CAMK4: variants seen among roughly 807,000 people sequenced by gnomAD.
CAMK4 encodes calcium/calmodulin-dependent protein kinase type IV.
CAMK4 carries 22 observed loss-of-function variants against 44.9 expected under a neutral mutation model. The observed-to-expected ratio is 0.49, with a 90% CI of 0.35 to 0.70. The LOEUF is 0.70. Ranked by LOEUF, CAMK4 falls within the 30% of genes least tolerant of loss-of-function variation. The pLI is 0.01. For synonymous variants in CAMK4, 218 were observed against 215.4 expected, an observed-to-expected ratio of 1.01 and a Z score of -0.11; for missense variants, 498 against 586.8, an observed-to-expected ratio of 0.85 and a Z score of 1.56.
chr5:111,442,541 TATACAC>T (rs769589140), intron 5 of CAMK4, among the ~76,000 whole-genome samples: 4 of 131,852 alleles, frequency 3.0e-5, no homozygotes, highest in East Asian at 4.0e-4. Flanking sequence ...TATATATATA[TATACAC>T]ACACACACAT....
intron 2 of CAMK4, among the ~76,000 whole-genome samples, chr5:111,344,417 TAC>T (rs1561427067): frequency 0.015 from 2,171 of 145,640 alleles, 45 homozygotes; most frequent in African/African-American, 0.046. Flanking sequence ...TATATGTATA[TAC>T]ACACACACAC....
At chr5:111,377,514 G>C (rs578118470) in intron 4 of CAMK4, among the ~76,000 whole-genome samples, 108 of 150,822 alleles carry the variant, frequency 7.2e-4, no homozygotes, top group Non-Finnish European at 1.4e-3. Context: ...GAGAATGGAG[G>C]GGGGTGGGGG....
intron 5 of CAMK4, among the ~76,000 whole-genome samples, chr5:111,413,240 A>G (rs1284616294): frequency 6.6e-6 from 1 of 152,194 alleles, no homozygotes; most frequent in Non-Finnish European, 1.5e-5. Context: ...AGGATTTTAA[A>G]TGGGGAAATT....
chr5:111,336,469 A>G (rs1749407593), intron 1 of CAMK4, among the ~76,000 whole-genome samples: 2 of 123,712 alleles, frequency 1.6e-5, no homozygotes, highest in South Asian at 2.4e-4. Context: ...ATTTCAATTA[A>G]TAATATAGGT....
chr5:111,337,998 A>C (rs1036889048), intron 1 of CAMK4, among the ~76,000 whole-genome samples: 1 of 151,184 alleles, frequency 6.6e-6, no homozygotes, highest in Admixed American at 6.6e-5. Context: ...TTGCATCTTC[A>C]TGTGATTTTA....
intron 2 of CAMK4, among the ~76,000 whole-genome samples, chr5:111,374,101 T>C (rs1751118121): frequency 6.6e-6 from 1 of 152,126 alleles, no homozygotes; most frequent in African/African-American, 2.4e-5. Context: ...AAAGGAAATG[T>C]AGTGGCTCAT....
intron 5 of CAMK4, among the ~76,000 whole-genome samples, chr5:111,400,882 T>C (rs768418991): frequency 1.3e-5 from 2 of 152,116 alleles, no homozygotes; most frequent in African/African-American, 2.4e-5. Context: ...GTAGGGATAA[T>C]TAGGGAATAT....
chr5:111,331,299 A>G (rs1002309997), intron 1 of CAMK4, among the ~76,000 whole-genome samples: 1 of 151,804 alleles, frequency 6.6e-6, no homozygotes, highest in Non-Finnish European at 1.5e-5. Context: ...ATGCTTCACA[A>G]AAGATGAATG....
intron 1 of CAMK4, among the ~76,000 whole-genome samples, chr5:111,311,169 G>A (rs1452446335): frequency 6.6e-6 from 1 of 152,008 alleles, no homozygotes; most frequent in East Asian, 1.9e-4. Context: ...TTATTGCAAG[G>A]GAACGTGACA....
At chr5:111,254,553 T>C (rs998566995) in intron 1 of CAMK4, among the ~76,000 whole-genome samples, 11 of 152,160 alleles carry the variant, frequency 7.2e-5, no homozygotes, top group African/African-American at 2.4e-4. Context: ...AGAGATGATG[T>C]TCATGCAGAA....
chr5:111,326,091 T>C (rs1748876792), intron 1 of CAMK4, among the ~76,000 whole-genome samples: 1 of 151,806 alleles, frequency 6.6e-6, no homozygotes, highest in Non-Finnish European at 1.5e-5. Context: ...TCAAAGGAAG[T>C]AGAAAAGAGG....
chr5:111,424,022 G>A (rs980709314), intron 5 of CAMK4, among the ~76,000 whole-genome samples: 1 of 152,162 alleles, frequency 6.6e-6, no homozygotes, highest in Non-Finnish European at 1.5e-5. Flanking sequence ...GACGAAGCAG[G>A]ATTAGAACCC....
chr5:111,364,184 C>A (rs1231850182), intron 2 of CAMK4, among the ~76,000 whole-genome samples: 1 of 100,348 alleles, frequency 1.0e-5, no homozygotes, highest in Non-Finnish European at 2.0e-5. Context: ...GACTGAGAGA[C>A]CTTTTTAAAG....
chr5:111,226,880 G>A (rs1288504296), intron 1 of CAMK4, among the ~76,000 whole-genome samples: 1 of 152,118 alleles, frequency 6.6e-6, no homozygotes, highest in Non-Finnish European at 1.5e-5. Context: ...CATAAAAGTC[G>A]AAAAATTGTA....
intron 1 of CAMK4, among the ~76,000 whole-genome samples, chr5:111,328,982 A>T (rs190478711): frequency 1.1e-3 from 169 of 151,960 alleles, no homozygotes; most frequent in African/African-American, 4.0e-3. Flanking sequence ...TTCCTCAATA[A>T]AATACTGCAA....
At chr5:111,341,488 C>A (rs1749641614) in intron 1 of CAMK4, among the ~76,000 whole-genome samples, 1 of 150,654 alleles carries the variant, frequency 6.6e-6, no homozygotes, top group South Asian at 2.1e-4. Flanking sequence ...TGCCTTTTTA[C>A]CATTGTCAGA....
chr5:111,367,439 A>G (rs72780371), intron 2 of CAMK4, among the ~76,000 whole-genome samples: 1,925 of 152,128 alleles, frequency 0.013, 33 homozygotes, highest in South Asian at 0.025. Context: ...GAACTTTTGG[A>G]GGATGCATTC....
At chr5:111,241,046 A>G (rs1748967043) in intron 1 of CAMK4, among the ~76,000 whole-genome samples, 1 of 152,232 alleles carries the variant, frequency 6.6e-6, no homozygotes, top group Non-Finnish European at 1.5e-5. Context: ...AGATTAAAAA[A>G]GGTAAATTCT....
chr5:111,485,201 C>T lies in CAMK4; in HGVS notation c.*735C>T, dbSNP rs1476993883. ...TCCATTCTTTCCTTCACCTGCTCTC[C>T]AATAAGATGACTTTCTGATAGACAA... is the stretch of plus-strand genomic sequence containing the variant. On this transcript the variant is annotated 3_prime_UTR_variant, in exon 11 of 11. Coordinates refer to ENST00000282356, the MANE Select transcript of CAMK4 (RefSeq NM_001744.6). 1 of 152,064 alleles carries T rather than the reference C, an allele frequency of 6.6e-6. No homozygotes were observed. 9.4% of individuals were successfully genotyped at this position (152,064 alleles called of 1,614,324 possible). A position where few individuals can be genotyped will look rare whatever the true frequency, so the allele number is the denominator to read the frequency against.
Sources: allele counts gnomAD v4.1 joint callset (sites outside exome capture counted in the v4.1 genomes callset), GRCh38; gene constraint gnomAD v4.1.1; transcripts MANE v1.5; gene names NCBI Gene and HGNC (gene_info 2026-07-23, HGNC 2026-07-21).